NDUFV3: variants seen among roughly 807,000 people sequenced by gnomAD.
NDUFV3 encodes NADH dehydrogenase [ubiquinone] flavoprotein 3, mitochondrial.
NDUFV3 carries 44 observed loss-of-function variants against 37.5 expected under a neutral mutation model. That is an observed-to-expected ratio of 1.17 (90% confidence interval 0.92 to 1.51). The LOEUF is 1.51. NDUFV3 is among the 40% of genes most tolerant of loss of function. NDUFV3 has a pLI of 0.00. For synonymous variants in NDUFV3, 235 were observed against 239.3 expected, an observed-to-expected ratio of 0.98 and a Z score of 0.17; for missense variants, 580 against 580.4, an observed-to-expected ratio of 1.00 and a Z score of 0.01.
rs117624597 is a variant in NDUFV3, at chr21:42,895,409, G to A, written c.49-1518G>A. ...AGACAGGAGAATTGCTTGAACCCAC[G>A]AGGCGGAGATTGTAGTGAGCCGAGG... is the stretch of plus-strand genomic sequence containing the variant. On this transcript the variant is annotated intron_variant, in intron 1 of 3. Transcript: ENST00000354250. 1.0e-3 allele frequency among the ~76,000 whole-genome samples: 153 copies of A among 152,266 alleles called. 1 individual carries two copies. In the East Asian group the frequency reaches 0.028, roughly 28 times the overall value.
In NDUFV3 at chr21:42,903,740, C is replaced by G. The variant is rs781404049; in HGVS notation, c.728C>G (p.Ala243Gly). The G allele has an allele frequency of 1.9e-6, 3 of 1,614,034 alleles. No homozygotes were observed. The Admixed American group carries it at 5.0e-5, about 27-fold the overall frequency. Residue 243 changes from alanine to glycine, a missense_variant, in exon 3 of 4, where the codon GCG becomes GGG. Ala to Gly is a moderately conservative substitution (Grantham distance 60). Transcript: ENST00000354250. ...AAGCCATCAGAAGGCAGGGAAAATGCGAGACCAAAAACCACAATGCCCAGA... is the reference window on the plus strand; with the variant it reads ...AAGCCATCAGAAGGCAGGGAAAATGGGAGACCAAAAACCACAATGCCCAGA... ...PAKPSEGREN[A>G]RPKTTMPRSQ...
chr21:42,907,073 T>C (rs1182440287), intron 3 of NDUFV3, among the ~76,000 whole-genome samples: 1 of 152,226 alleles, frequency 6.6e-6, no homozygotes, highest in Non-Finnish European at 1.5e-5. Context: ...GTACAAATCT[T>C]AACCCAAATA....
At chr21:42,905,501 GT>G (rs1181842240) in intron 3 of NDUFV3, among the ~76,000 whole-genome samples, 2 of 151,850 alleles carry the variant, frequency 1.3e-5, no homozygotes. Flanking sequence ...TTTATGAAGG[GT>G]TTTTTGTTTG....
chr21:42,903,127 G>T lies in NDUFV3; in HGVS notation c.170-55G>T. ...TGTGTCATGAAATGTCTGTAATTTT[G>T]ACTGAGTTTTAAGTTGTTTTGTTAA... On this transcript the variant is annotated intron_variant, in intron 2 of 3. Coordinates refer to ENST00000354250, the MANE Select transcript of NDUFV3 (RefSeq NM_021075.4). 3.1e-6 allele frequency: 5 copies of T among 1,604,928 alleles called. No individual in the cohort carries two copies. In the South Asian group the frequency reaches 5.5e-5, roughly 18 times the overall value.
chr21:42,908,800 A>C, intron 3 of NDUFV3, 64 bp from the exon 4 acceptor site: 1 of 1,592,066 alleles, frequency 6.3e-7, no homozygotes, highest in Non-Finnish European at 8.6e-7. Context: ...CCTGTGTGTG[A>C]GCCGAGTCAT....
chr21:42,894,144 C>T lies in NDUFV3; in HGVS notation c.48+763C>T, dbSNP rs550237583. On this transcript the variant is annotated intron_variant, in intron 1 of 3. Coordinates refer to ENST00000354250, the MANE Select transcript of NDUFV3 (RefSeq NM_021075.4). ...GTGGGAGGATCCCATGAACCCGGGA[C>T]GCGGAGGTTGCAGTGAGCCGAGATC... 4.1e-5 allele frequency among the ~76,000 whole-genome samples: 6 copies of T among 147,410 alleles called. No homozygotes were observed. In the South Asian group the frequency reaches 8.6e-4, roughly 21 times the overall value.
In NDUFV3 at chr21:42,912,729, A is replaced by G. The variant is rs2058775399; in HGVS notation, c.*3708A>G. ...AACACGGTGAAACCCCGTCTCTATT[A>G]AAAATACAAAAAATTAGCCGGGCAT... On this transcript the variant is annotated 3_prime_UTR_variant, in exon 4 of 4. Coordinates refer to ENST00000354250, the MANE Select transcript of NDUFV3 (RefSeq NM_021075.4). 1 of 152,198 alleles carries G rather than the reference A, an allele frequency of 6.6e-6. No individual in the cohort carries two copies. The highest frequency in any genetic ancestry group is 1.5e-5 in the Non-Finnish European group (1 of 68,098). 9.4% of individuals were successfully genotyped at this position (152,198 alleles called of 1,614,324 possible).
At position 42,908,933 on chromosome 21, in the gene NDUFV3, G is replaced by A. The variant is rs2058754575; in HGVS notation, c.1334G>A (p.Ser445Asn). The A allele has an allele frequency of 6.2e-7, 1 of 1,613,978 alleles. No homozygotes were observed. Among genetic ancestry groups the A allele is most frequent in the East Asian group, 2.2e-5 (1 of 44,898 alleles). The change falls in exon 4 of 4, where the codon AGC (serine) becomes AAC (asparagine). Residue 445 changes from serine to asparagine, a missense_variant. By Grantham distance (46) the Ser-to-Asn change is conservative. Coordinates refer to ENST00000354250, the MANE Select transcript of NDUFV3 (RefSeq NM_021075.4). ...TYKNLQHHDY[S>N]TYTFLDLNLE... ...AAGAACCTGCAGCATCATGACTACA[G>A]CACGTACACCTTCTTAGACCTCAAC...
In NDUFV3 at chr21:42,903,436, C is replaced by T. The variant is rs577502283; in HGVS notation, c.424C>T (p.Arg142Cys). The change falls in exon 3 of 4, where the codon CGT (arginine) becomes TGT (cysteine). Residue 142 changes from arginine (R) to cysteine (C), a missense_variant. Transcript: ENST00000354250. Reference sequence around the variant, plus strand: ...AAAACAGGGCTCTGATTCAGAAGCTCGTCAGGTGGGTCGGAAAGTGACGTC... The same window carrying T: ...AAAACAGGGCTCTGATTCAGAAGCTTGTCAGGTGGGTCGGAAAGTGACGTC... ...FRKQGSDSEA[R>C]QVGRKVTSPS... is the part of the protein sequence containing the mutation. 123 of 1,614,156 alleles carry T rather than the reference C, an allele frequency of 7.6e-5. 1 individual carries two copies. The South Asian group carries it at 1.1e-3, about 15-fold the overall frequency.
rs1218593512 is a variant in NDUFV3, at chr21:42,912,904, CAAAAAA to C, written c.*3888_*3893del. 2 of 65,370 alleles carry C rather than the reference CAAAAAA, an allele frequency of 3.1e-5. No homozygotes were observed. The highest frequency in any genetic ancestry group is 6.4e-5 in the Non-Finnish European group (2 of 31,122). 4.0% of individuals were successfully genotyped at this position (65,370 alleles called of 1,614,324 possible). On this transcript the variant is annotated 3_prime_UTR_variant, in exon 4 of 4. Transcript: ENST00000354250. ...AAGACTCCGTCTCAAAAAAAAAAAA[CAAAAAA>C]AAAATTAGCCGGGCGTGGTGGTGGG...
At position 42,903,497 on chromosome 21, in the gene NDUFV3, C is replaced by G; in HGVS notation, c.485C>G (p.Ser162Cys). 6.2e-7 allele frequency: 1 copy of G among 1,614,134 alleles called. No homozygotes were observed. The highest frequency in any genetic ancestry group is 8.5e-7 in the Non-Finnish European group (1 of 1,180,004). ...TCATCCTCTTCCAGCTCCTCTGATT[C>G]TGAATCTGATGATGAGGCTGACGTT... ...SSSSSSSSSD[S>C]ESDDEADVSE... The change falls in exon 3 of 4, where the codon TCT (serine) becomes TGT (cysteine). Residue 162 changes from serine (S) to cysteine (C), a missense_variant. By Grantham distance (112) the Ser-to-Cys change is moderately radical. Transcript: ENST00000354250.
At position 42,903,508 on chromosome 21, in the gene NDUFV3, G is replaced by A. The variant is rs2058727053; in HGVS notation, c.496G>A (p.Asp166Asn). Reference protein sequence around the residue: ...SSSSSDSESDDEADVSEVTPR... With the variant: ...SSSSSDSESDNEADVSEVTPR... ...CAGCTCCTCTGATTCTGAATCTGAT[G>A]ATGAGGCTGACGTTTCAGAGGTCAC... is the stretch of plus-strand genomic sequence containing the variant. Residue 166 changes from aspartate to asparagine, a missense_variant, in exon 3 of 4, where the codon GAT (aspartate) becomes AAT (asparagine). Transcript: ENST00000354250. The A allele has an allele frequency of 6.2e-7, 1 of 1,614,176 alleles. No individual in the cohort carries two copies. Among genetic ancestry groups the A allele is most frequent in the Non-Finnish European group, 8.5e-7 (1 of 1,180,032 alleles).
At chr21:42,893,525 C>A in intron 1 of NDUFV3, 144 bp downstream of exon 1, 1 of 907,686 alleles carries the variant, frequency 1.1e-6, no homozygotes, top group Admixed American at 2.7e-5. Context: ...CTCCCTGGGC[C>A]CAGGACTGAC....
intron 3 of NDUFV3, among the ~76,000 whole-genome samples, 172 bp from the exon 4 acceptor site, chr21:42,908,692 G>A (rs1157886328): frequency 6.7e-6 from 1 of 148,302 alleles, no homozygotes; most frequent in Non-Finnish European, 1.5e-5. Flanking sequence ...TAGGGTTGAT[G>A]AAGAATGCTT....
At chr21:42,908,179 C>T (rs1048533737) in intron 3 of NDUFV3, among the ~76,000 whole-genome samples, 22 of 151,922 alleles carry the variant, frequency 1.4e-4, no homozygotes, top group Admixed American at 9.8e-4. Flanking sequence ...TGGTGGCAGA[C>T]GCCTGTAATC....
Position 42,909,165 on chromosome 21 carries a change from A to G in NDUFV3, c.*144A>G, listed in dbSNP as rs2058757367. 11 of 810,370 alleles carry G rather than the reference A, an allele frequency of 1.4e-5. No homozygotes were observed. The highest frequency in any genetic ancestry group is 7.7e-4 in the Middle Eastern group (2 of 2,598). 50.2% of individuals were successfully genotyped at this position (810,370 alleles called of 1,614,324 possible). A position where few individuals can be genotyped will look rare whatever the true frequency, so the allele number is the denominator to read the frequency against. On this transcript the variant is annotated 3_prime_UTR_variant, in exon 4 of 4. Transcript: ENST00000354250. Reference sequence around the variant, plus strand: ...TTTTTTTTTTTTTTTTTTTTGAGACAGGGTCTCACTCTGTCACCCAGGCTG... The same window carrying G: ...TTTTTTTTTTTTTTTTTTTTGAGACGGGGTCTCACTCTGTCACCCAGGCTG...
intron 3 of NDUFV3, among the ~76,000 whole-genome samples, chr21:42,906,310 G>A (rs537892661): frequency 1.2e-4 from 19 of 152,240 alleles, no homozygotes; most frequent in South Asian, 8.3e-4. Context: ...TAACAAGCGC[G>A]GCTCCGTCCT....
intron 3 of NDUFV3, among the ~76,000 whole-genome samples, chr21:42,905,861 C>A (rs1446514397): frequency 2.6e-5 from 3 of 115,928 alleles, no homozygotes; most frequent in Non-Finnish European, 5.3e-5. Flanking sequence ...TATGATGTTA[C>A]CATTTTTTTT....
intron 2 of NDUFV3, among the ~76,000 whole-genome samples, chr21:42,899,286 T>TTTTTTTTTTTTTTTTTTTA (rs1370334671): frequency 1.4e-5 from 2 of 140,866 alleles, no homozygotes; most frequent in Admixed American, 6.8e-5. Flanking sequence ...TGTTTTTTTT[T>TTTTTTTTTTTTTTTTTTTA]GAGACAGAGT....
Sources: allele counts gnomAD v4.1 joint callset (sites outside exome capture counted in the v4.1 genomes callset), GRCh38; gene constraint gnomAD v4.1.1; transcripts MANE v1.5; gene names NCBI Gene and HGNC (gene_info 2026-07-23, HGNC 2026-07-21).